Variants in LIMS1 observed in about 807,000 individuals in gnomAD.
LIMS1 encodes the protein LIM zinc finger domain containing 1.
A neutral mutation model predicts 44.1 loss-of-function variants in LIMS1; 18 were observed. That is an observed-to-expected ratio of 0.41 (90% CI 0.28 to 0.61). The LOEUF is 0.61. LIMS1 is among the 20% of genes least tolerant of loss of function. The probability of loss-of-function intolerance (pLI) is 0.32; values close to 1 mark genes in which losing one functional copy is unlikely to be tolerated. For synonymous variants in LIMS1, 93 were observed against 149.1 expected (o/e 0.62, Z 2.74); for missense variants, 201 against 422.0 (o/e 0.48, Z 4.59).
intron 1 of LIMS1, among the ~76,000 whole-genome samples, chr2:108,590,517 A>T (rs1279844785): frequency 2.0e-5 from 3 of 152,232 alleles, no homozygotes; most frequent in Non-Finnish European, 4.4e-5. Flanking sequence ...AATATACAAA[A>T]ATAACTAAAC....
intron 1 of LIMS1, among the ~76,000 whole-genome samples, chr2:108,618,013 G>T (rs931965066): frequency 6.6e-6 from 1 of 152,204 alleles, no homozygotes; most frequent in Non-Finnish European, 1.5e-5. Flanking sequence ...GGCATGTGGG[G>T]GAAAGCCCCA....
chr2:108,597,882 C>CG (rs1686798171), intron 1 of LIMS1, among the ~76,000 whole-genome samples: 1 of 151,592 alleles, frequency 6.6e-6, no homozygotes, highest in East Asian at 1.9e-4. Context: ...TTAGTAGAGA[C>CG]GGGGTTTCAC....
chr2:108,590,719 G>A (rs1030961222), intron 1 of LIMS1, among the ~76,000 whole-genome samples: 2 of 152,240 alleles, frequency 1.3e-5, no homozygotes, highest in African/African-American at 4.8e-5. Flanking sequence ...TTGCAGGTCA[G>A]TGTTACTTCT....
intron 2 of LIMS1, among the ~76,000 whole-genome samples, chr2:108,663,598 G>T (rs751747220): frequency 1.3e-5 from 2 of 152,206 alleles, no homozygotes; most frequent in Non-Finnish European, 2.9e-5. Flanking sequence ...GACCTGGTGT[G>T]CAGCTGATTA....
chr2:108,685,441 TC>T (rs1325977396), exon 10 of LIMS1: 1 of 152,118 alleles, frequency 6.6e-6, no homozygotes, highest in Non-Finnish European at 1.5e-5. Flanking sequence ...GGGTTTTTTT[TC>T]CAAAAATTGC....
chr2:108,570,178 C>G (rs1558791545), intron 1 of LIMS1, among the ~76,000 whole-genome samples: 1 of 152,118 alleles, frequency 6.6e-6, no homozygotes, highest in Non-Finnish European at 1.5e-5. Context: ...CGCCTGTAAT[C>G]CCAGCACTTT....
intron 1 of LIMS1, among the ~76,000 whole-genome samples, chr2:108,625,306 T>G (rs745850469): frequency 6.6e-6 from 1 of 152,252 alleles, no homozygotes; most frequent in Non-Finnish European, 1.5e-5. Context: ...TTTGTATGTG[T>G]TGCCTGTGGT....
intron 1 of LIMS1, among the ~76,000 whole-genome samples, chr2:108,606,806 G>C (rs1244545981): frequency 4.6e-5 from 7 of 152,222 alleles, no homozygotes; most frequent in African/African-American, 1.7e-4. Flanking sequence ...AGAGAGGCTG[G>C]AGGTTCATCC....
intron 1 of LIMS1, among the ~76,000 whole-genome samples, chr2:108,598,836 G>GA (rs1028650570): frequency 1.3e-5 from 2 of 151,884 alleles, no homozygotes; most frequent in African/African-American, 4.8e-5. Context: ...ATCTTATAAA[G>GA]AAAAATCTGT....
chr2:108,670,421 A>G lies in LIMS1; in HGVS notation c.193-360A>G, dbSNP rs181820916. ...ATCGACCTGAAAAATGTGGGAGGAG[A>G]GTTGTATGTATGTGCATATTTTCTG... is the stretch of plus-strand genomic sequence containing the variant. On this transcript the variant is annotated intron_variant, in intron 2 of 9. Coordinates refer to ENST00000544547, the Ensembl canonical transcript of LIMS1. Among the ~76,000 whole-genome samples, 644 of 151,792 alleles carry G rather than the reference A, an allele frequency of 4.2e-3. 4 individuals are homozygous for G. Among genetic ancestry groups the G allele is most frequent in the South Asian group, 0.013 (64 of 4,786 alleles).
At chr2:108,534,376 G>A (rs1282403599) in exon 1 of LIMS1, 25 of 216,032 alleles carry the variant, frequency 1.2e-4, no homozygotes, top group African/African-American at 5.6e-4. Flanking sequence ...CCCCTCCCCC[G>A]CCTTCCCGCG....
intron 1 of LIMS1, among the ~76,000 whole-genome samples, chr2:108,657,491 T>A (rs1332310396): frequency 6.6e-6 from 1 of 152,302 alleles, no homozygotes; most frequent in Non-Finnish European, 1.5e-5. Context: ...GAGCTTACCG[T>A]GCTCCTTCAT....
At chr2:108,561,029 A>G (rs1387394134) in intron 1 of LIMS1, among the ~76,000 whole-genome samples, 1 of 152,192 alleles carries the variant, frequency 6.6e-6, no homozygotes, top group East Asian at 1.9e-4. Flanking sequence ...GTCTTTCCTG[A>G]TAAACCCAGT....
intron 1 of LIMS1, among the ~76,000 whole-genome samples, chr2:108,571,595 A>G (rs1685482080): frequency 6.6e-6 from 1 of 152,186 alleles, no homozygotes; most frequent in Admixed American, 6.5e-5. Flanking sequence ...ATGTTGTAAT[A>G]CCTTACATTG....
chr2:108,681,767 A>C (rs1693014015), intron 9 of LIMS1: 1 of 197,506 alleles, frequency 5.1e-6, no homozygotes, highest in Non-Finnish European at 9.1e-6. Flanking sequence ...AAAAAAAAAA[A>C]ACAAATTAGC....
Position 108,599,325 on chromosome 2 carries a change from C to A in LIMS1, c.33-60280C>A, listed in dbSNP as rs184045873. Among the ~76,000 whole-genome samples the A allele has an allele frequency of 5.3e-5, 8 of 152,312 alleles. No individual in the cohort carries two copies. The East Asian group carries it at 1.2e-3, about 22-fold the overall frequency. On this transcript the variant is annotated intron_variant, in intron 1 of 9. Coordinates refer to ENST00000544547, the Ensembl canonical transcript of LIMS1. ...TCTGTGCCTGGCTTATTTCACTTGA[C>A]ATAATGATCTCCAGTCCCATCCATG...
chr2:108,593,726 CAT>C (rs1399154206), intron 1 of LIMS1, among the ~76,000 whole-genome samples: 1 of 152,306 alleles, frequency 6.6e-6, no homozygotes, highest in African/African-American at 2.4e-5. Flanking sequence ...GGGAAGAAAT[CAT>C]AAAGTGAATT....
intron 1 of LIMS1, among the ~76,000 whole-genome samples, chr2:108,597,801 T>A (rs1286110155): frequency 6.6e-6 from 1 of 151,466 alleles, no homozygotes. Flanking sequence ...CAAGTGATTC[T>A]CCTGCCTCAG....
chr2:108,676,479 A>G (rs969316500), intron 6 of LIMS1, 127 bp from the exon 7 acceptor site: 7 of 1,118,008 alleles, frequency 6.3e-6, no homozygotes, highest in Non-Finnish European at 7.6e-6. Flanking sequence ...GGGGCCACCT[A>G]TGGCCAAATG....
Sources: gnomAD v4.1 joint callset for allele counts (sites outside exome capture counted in the v4.1 genomes callset) on GRCh38, gnomAD v4.1.1 for gene constraint, MANE v1.5 for transcripts, NCBI Gene and HGNC (gene_info 2026-07-23, HGNC 2026-07-21) for gene names.